FLOT1: variants seen among roughly 807,000 people sequenced by gnomAD.
FLOT1 encodes flotillin-1.
A neutral mutation model predicts 58.4 loss-of-function variants in FLOT1; 40 were observed. The observed-to-expected ratio is 0.69, with a 90% CI of 0.53 to 0.89. The LOEUF (loss-of-function observed/expected upper bound fraction) is 0.89, where lower values mean the gene tolerates loss of function less well. Among genes scored for constraint, FLOT1 ranks in the 40% least tolerant of loss-of-function variants. The probability of loss-of-function intolerance (pLI) is 0.00; values close to 1 mark genes in which losing one functional copy is unlikely to be tolerated. For synonymous variants in FLOT1, 178 were observed against 204.2 expected (o/e 0.87, Z 1.09); for missense variants, 423 against 540.8 (o/e 0.78, Z 2.16).
At chr6:30,728,788 C>CT (rs34999479) in intron 12 of FLOT1, among the ~76,000 whole-genome samples, 50,062 of 147,416 alleles carry the variant, frequency 0.34, 8,584 homozygotes, top group South Asian at 0.45. Context: ...ATTTCTTTCT[C>CT]TTTTTTTTTT....
At chr6:30,740,847 T>A (rs761359076) in intron 5 of FLOT1, 49 bp from the exon 6 acceptor site, 1 of 1,568,948 alleles carries the variant, frequency 6.4e-7, no homozygotes, top group Non-Finnish European at 8.6e-7. Flanking sequence ...TTTTTTTTTT[T>A]TTTTTTTTTG....
rs1402657090 is a variant in FLOT1, at chr6:30,737,904, G to A, written c.723+2254C>T. 6.6e-6 allele frequency among the ~76,000 whole-genome samples: 1 copy of A among 152,150 alleles called. No homozygotes were observed. The highest frequency in any genetic ancestry group is 2.4e-5 in the African/African-American group (1 of 41,430). ...CCAAAATGGTGTCTAGCACATAGAA[G>A]GCACTTAACAGATATTTGTTGAATA... On this transcript the variant is annotated intron_variant, in intron 8 of 12. Coordinates refer to ENST00000376389, the MANE Select transcript of FLOT1 (RefSeq NM_005803.4). The surrounding 1 kb of genome is among the most constrained non-coding windows in gnomAD (Gnocchi z 4.4).
chr6:30,728,185 C>T (rs376732425), intron 12 of FLOT1, 40 bp from the exon 13 acceptor site: 57 of 1,603,742 alleles, frequency 3.6e-5, no homozygotes, highest in Non-Finnish European at 4.5e-5. Context: ...TGGGAACATT[C>T]GGGAGGCTGA....
intron 8 of FLOT1, among the ~76,000 whole-genome samples, chr6:30,734,995 G>A (rs1192226890): frequency 6.6e-6 from 1 of 152,214 alleles, no homozygotes; most frequent in African/African-American, 2.4e-5. Flanking sequence ...CTCTGAGTAT[G>A]TGGGTGAGGC....
At position 30,737,208 on chromosome 6, in the gene FLOT1, TCGTCCGTCCGTCCGTCCGTCCGTC is replaced by T. The variant is rs148516220; in HGVS notation, c.723+2926_723+2949del. ...GACTGACTGACTGACTGACTGTCTG[TCGTCCGTCCGTCCGTCCGTCCGTC>T]CGTCCGTCCGTCCGTCCATCCGTCC... On this transcript the variant is annotated intron_variant, in intron 8 of 12. Transcript: ENST00000376389. The surrounding 1 kb of genome is among the most constrained non-coding windows in gnomAD (Gnocchi z 4.4). 7.2e-6 allele frequency among the ~76,000 whole-genome samples: 1 copy of T among 138,042 alleles called. No homozygotes were observed. Among genetic ancestry groups the T allele is most frequent in the South Asian group, 2.3e-4 (1 of 4,372 alleles). The allele number at this position is 138,042 out of a possible 152,430, so 90.6% of individuals were successfully genotyped here.
rs34375360 is a variant in FLOT1 at position 30,740,834 on chromosome 6, G to GTTT, written c.355-39_355-37dup. 11,922 of 1,292,606 alleles carry GTTT rather than the reference G, an allele frequency of 9.2e-3. 2 individuals carry two copies. The highest frequency in any genetic ancestry group is 0.03 in the South Asian group (1,823 of 61,746). The allele number at this position is 1,292,606 out of a possible 1,614,324, so 80.1% of individuals were successfully genotyped here. ...AGGATGGTGGGGAGAAGGGATGTAA[G>GTTT]TTTTTTTTTTTTTTTTTTTTTTGCT... is the stretch of plus-strand genomic sequence containing the variant. On this transcript the variant is annotated intron_variant, in intron 5 of 12. Coordinates refer to ENST00000376389, the MANE Select transcript of FLOT1 (RefSeq NM_005803.4).
At chr6:30,739,733 G>A (rs899108089) in intron 8 of FLOT1, among the ~76,000 whole-genome samples, 3 of 151,388 alleles carry the variant, frequency 2.0e-5, no homozygotes, top group African/African-American at 7.3e-5. Flanking sequence ...GTGTGATCTC[G>A]ACTCACTGCA....
Position 30,741,767 on chromosome 6 carries a change from C to G in FLOT1, c.119+25G>C, listed in dbSNP as rs117290294. ...GGAAAAAGAGAAAACGGAGGTCCCC[C>G]TTCCCTGGTTCCCTTCTTGCCTACC... On this transcript the variant is annotated intron_variant, in intron 3 of 12. Coordinates refer to ENST00000376389, the MANE Select transcript of FLOT1 (RefSeq NM_005803.4). The surrounding 1 kb of genome is among the most constrained non-coding windows in gnomAD (Gnocchi z 5.9). 1.3e-5 allele frequency: 21 copies of G among 1,612,192 alleles called. No homozygotes were observed. In the Admixed American group the frequency reaches 1.3e-4, roughly 10 times the overall value.
chr6:30,729,644 C>T (rs1358144845), intron 12 of FLOT1, among the ~76,000 whole-genome samples: 2 of 152,106 alleles, frequency 1.3e-5, no homozygotes, highest in African/African-American at 2.4e-5. Context: ...TTAACTGGGG[C>T]GCTGAGAAAA....
Position 30,741,186 on chromosome 6 carries a change from C to T in FLOT1, c.354+4G>A. On this transcript the variant is annotated splice_donor_region_variant and intron_variant, in intron 5 of 12. Transcript: ENST00000376389. This position sits in a 1 kb window ranked among gnomAD's most constrained non-coding sequence, Gnocchi z 5.9. ...TCCAGATGGTTCCCTGCCCCTAGGC[C>T]AACCTCCACAGTCATGTGGGCCATG... 1 of 1,612,926 alleles carries T rather than the reference C, an allele frequency of 6.2e-7. No homozygotes were observed. Among genetic ancestry groups the T allele is most frequent in the Non-Finnish European group, 8.5e-7 (1 of 1,180,012 alleles).
intron 8 of FLOT1, among the ~76,000 whole-genome samples, chr6:30,734,900 C>T (rs769870087): frequency 1.4e-4 from 21 of 151,962 alleles, no homozygotes; most frequent in Admixed American, 2.6e-4. Flanking sequence ...TTAGTAGAGA[C>T]GGGGTTTCAC....
chr6:30,728,476 C>T lies in FLOT1; in HGVS notation c.1255-331G>A, dbSNP rs115552688. On this transcript the variant is annotated intron_variant, in intron 12 of 12. Transcript: ENST00000376389. ...TTATTTACATACGCTTTTTTTTTTT[C>T]TTTTTTTTTTTGAGACGGAATCTCA... Among the ~76,000 whole-genome samples, 455 of 138,606 alleles carry T rather than the reference C, an allele frequency of 3.3e-3. 1 individual carries two copies. Among genetic ancestry groups the T allele is most frequent in the African/African-American group, 9.1e-3 (340 of 37,540 alleles). 90.9% of individuals were successfully genotyped at this position (138,606 alleles called of 152,430 possible). A position where few individuals can be genotyped will look rare whatever the true frequency, so the allele number is the denominator to read the frequency against.
At chr6:30,735,635 C>A (rs1777514555) in intron 8 of FLOT1, among the ~76,000 whole-genome samples, 1 of 151,638 alleles carries the variant, frequency 6.6e-6, no homozygotes, top group Non-Finnish European at 1.5e-5. Context: ...GAGACCCTGT[C>A]TCAAAAAAAA....
chr6:30,731,115 G>T lies in FLOT1; in HGVS notation c.724-15C>A. 6.3e-7 allele frequency: 1 copy of T among 1,587,844 alleles called. No individual in the cohort carries two copies. The highest frequency in any genetic ancestry group is 8.6e-7 in the Non-Finnish European group (1 of 1,167,904). On this transcript the variant is annotated splice_polypyrimidine_tract_variant and intron_variant, in intron 8 of 12. Transcript: ENST00000376389. The stretch of plus-strand genomic sequence containing the variant: ...GTCTTGGCCACCTGGGTAGGAGGGT[G>T]AAGTCAGGTTCACGCTCTGAGTCAG...
chr6:30,737,262 A>G lies in FLOT1; in HGVS notation c.723+2896T>C, dbSNP rs1320477053. 1.2e-4 allele frequency among the ~76,000 whole-genome samples: 16 copies of G among 136,446 alleles called. No homozygotes were observed. Among genetic ancestry groups the G allele is most frequent in the Admixed American group, 3.2e-4 (4 of 12,340 alleles). The allele number at this position is 136,446 out of a possible 152,430, so 89.5% of individuals were successfully genotyped here. The stretch of plus-strand genomic sequence containing the variant: ...CGTCCGTCCGTCCATCCGTCCATCC[A>G]TCCATCCATATATCTATCTTAGAAG... On this transcript the variant is annotated intron_variant, in intron 8 of 12. Coordinates refer to ENST00000376389, the MANE Select transcript of FLOT1 (RefSeq NM_005803.4). The surrounding 1 kb of genome is among the most constrained non-coding windows in gnomAD (Gnocchi z 4.4).
rs1777959235 is a variant in FLOT1 at position 30,741,286 on chromosome 6, C to G, written c.258G>C (p.Gln86His). The G allele has an allele frequency of 6.2e-7, 1 of 1,613,132 alleles. No homozygotes were observed. The highest frequency in any genetic ancestry group is 8.5e-7 in the Non-Finnish European group (1 of 1,180,046). ...CAGCCTCCGTCTTCCCCAGGAACAT[C>G]TGACAGGCGGCCGCCAACATCTCCT... ...QNKEMLAAAC[Q>H]MFLGKTEAEI... Residue 86 changes from glutamine to histidine, a missense_variant, in exon 5 of 13, where the codon CAG becomes CAC. Transcript: ENST00000376389. This position sits in a 1 kb window ranked among gnomAD's most constrained non-coding sequence, Gnocchi z 5.9.
At position 30,728,022 on chromosome 6, in the gene FLOT1, G is replaced by T; in HGVS notation, c.*94C>A. On this transcript the variant is annotated 3_prime_UTR_variant, in exon 13 of 13. Transcript: ENST00000376389. ...TGAGGGGTGGGACCTCACTGTCAAT[G>T]GACATGCTCAGGGAGGCCAGTGGGT... 8.6e-7 allele frequency: 1 copy of T among 1,159,478 alleles called. No homozygotes were observed. Among genetic ancestry groups the T allele is most frequent in the Non-Finnish European group, 1.3e-6 (1 of 768,190 alleles). 71.8% of individuals were successfully genotyped at this position (1,159,478 alleles called of 1,614,324 possible).
At chr6:30,736,579 A>G (rs1777580582) in intron 8 of FLOT1, among the ~76,000 whole-genome samples, 1 of 150,624 alleles carries the variant, frequency 6.6e-6, no homozygotes, top group African/African-American at 2.5e-5. Context: ...CATCTCTGAA[A>G]AAGAGCCCAA....
rs186827179 is a variant in FLOT1, at chr6:30,740,094, C to T, written c.723+64G>A. On this transcript the variant is annotated intron_variant, in intron 8 of 12. Transcript: ENST00000376389. ...AGTATGAGAAATAGTGTAGTGGTGT[C>T]CTGAGATGGACAGCCTGAGAGGAAT... 71 of 1,516,092 alleles carry T rather than the reference C, an allele frequency of 4.7e-5. No homozygotes were observed. In the East Asian group the frequency reaches 1.5e-3, roughly 33 times the overall value. 93.9% of individuals were successfully genotyped at this position (1,516,092 alleles called of 1,614,324 possible). A position where few individuals can be genotyped will look rare whatever the true frequency, so the allele number is the denominator to read the frequency against.
Sources: gnomAD v4.1 joint callset for allele counts (sites outside exome capture counted in the v4.1 genomes callset) on GRCh38, gnomAD v4.1.1 for gene constraint, Gnocchi (gnomAD v3.1) non-coding constraint, MANE v1.5 for transcripts, NCBI Gene and HGNC (gene_info 2026-07-23, HGNC 2026-07-21) for gene names.